GALNT6: variants seen among roughly 807,000 people sequenced by gnomAD.
GALNT6 encodes the protein polypeptide N-acetylgalactosaminyltransferase 6.
GALNT6 carries 51 observed loss-of-function variants against 65.9 expected under a neutral mutation model. The observed-to-expected ratio is 0.77, with a 90% CI of 0.62 to 0.98. The LOEUF is 0.98. Ranked by LOEUF, GALNT6 falls within the 50% of genes least tolerant of loss-of-function variation. GALNT6 has a pLI of 0.00. For synonymous variants in GALNT6, 323 were observed against 315.1 expected, an observed-to-expected ratio of 1.02 and a Z score of -0.26; for missense variants, 708 against 803.3, an observed-to-expected ratio of 0.88 and a Z score of 1.43.
At chr12:51,380,619 T>C (rs546114499) in intron 2 of GALNT6, among the ~76,000 whole-genome samples, 14 of 152,302 alleles carry the variant, frequency 9.2e-5, no homozygotes, top group Admixed American at 7.2e-4. Context: ...GGTGAAACCC[T>C]GTCTCTACTA....
At chr12:51,382,512 A>G (rs999432201) in intron 2 of GALNT6, 9 of 152,938 alleles carry the variant, frequency 5.9e-5, no homozygotes, top group African/African-American at 2.2e-4. Context: ...GCAATGGTCT[A>G]GAGGTGGGAG....
At chr12:51,367,912 G>T (rs1251760338) in intron 4 of GALNT6, among the ~76,000 whole-genome samples, 2 of 152,192 alleles carry the variant, frequency 1.3e-5, no homozygotes, top group African/African-American at 4.8e-5. Flanking sequence ...GACTCAAAGT[G>T]ACTAGCCCAG....
Position 51,379,497 on chromosome 12 carries a change from G to A in GALNT6, c.285C>T (p.Thr95=), listed in dbSNP as rs760338205. The change falls in exon 3 of 12, where the codon ACC becomes ACT. Residue 95 remains threonine (T), a synonymous_variant. Coordinates refer to ENST00000356317, the MANE Select transcript of GALNT6 (RefSeq NM_007210.4). ...INQSCLPGFY[T]PAELKPFWER... Reference sequence around the variant, plus strand: ...CCCAGAAGGGCTTCAGTTCAGCTGGGGTATAGAACCCAGGGAGGCAGGACT... The same window carrying A: ...CCCAGAAGGGCTTCAGTTCAGCTGGAGTATAGAACCCAGGGAGGCAGGACT... 49 of 1,614,036 alleles carry A rather than the reference G, an allele frequency of 3.0e-5. No homozygotes were observed. Among genetic ancestry groups the A allele is most frequent in the Non-Finnish European group, 4.1e-5 (48 of 1,179,998 alleles).
chr12:51,380,594 T>C (rs886489758), intron 2 of GALNT6, among the ~76,000 whole-genome samples: 1 of 152,160 alleles, frequency 6.6e-6, no homozygotes, highest in Non-Finnish European at 1.5e-5. Flanking sequence ...TAAAGAAGAC[T>C]AGCCTGGCCA....
chr12:51,371,659 C>A (rs1947298065), intron 4 of GALNT6, among the ~76,000 whole-genome samples: 2 of 152,118 alleles, frequency 1.3e-5, no homozygotes, highest in Admixed American at 1.3e-4. Flanking sequence ...ACCCTGGCTG[C>A]TGACCTAGCC....
chr12:51,354,527 C>T (rs1180079982), intron 11 of GALNT6, 35 bp from the exon 12 acceptor site: 1 of 1,375,766 alleles, frequency 7.3e-7, no homozygotes, highest in Non-Finnish European at 1.0e-6. Flanking sequence ...CAGTCTGGGC[C>T]ACAGACCTCT....
intron 6 of GALNT6, among the ~76,000 whole-genome samples, chr12:51,361,809 C>T (rs1363480430): frequency 6.6e-6 from 1 of 151,898 alleles, no homozygotes; most frequent in Non-Finnish European, 1.5e-5. Flanking sequence ...CCTGGCATGG[C>T]TAGGGCTTTG....
intron 2 of GALNT6, among the ~76,000 whole-genome samples, chr12:51,390,198 T>C (rs1406561215): frequency 1.3e-5 from 2 of 149,086 alleles, no homozygotes; most frequent in East Asian, 2.0e-4. Context: ...GTTTTGCTCT[T>C]ATTGCCCAGG....
chr12:51,386,972 T>G lies in GALNT6; in HGVS notation c.-104+3878A>C, dbSNP rs562458248. ...CCCCGTAATTACACCTTCAAGACACTTCAGCTTTTCTCCAAGACTCAAGCT... is the reference window on the plus strand; with the variant it reads ...CCCCGTAATTACACCTTCAAGACACGTCAGCTTTTCTCCAAGACTCAAGCT... On this transcript the variant is annotated intron_variant, in intron 2 of 11. Transcript: ENST00000356317. Among the ~76,000 whole-genome samples the G allele has an allele frequency of 1.1e-3, 174 of 152,314 alleles. 2 individuals carry two copies. The highest frequency in any genetic ancestry group is 3.4e-3 in the Middle Eastern group (1 of 294).
chr12:51,390,156 C>CTTTT (rs796243349), intron 2 of GALNT6, among the ~76,000 whole-genome samples: 24 of 116,290 alleles, frequency 2.1e-4, no homozygotes, highest in South Asian at 1.1e-3. Context: ...TTCTTTCTTT[C>CTTTT]TTTTTTTTTT....
At position 51,359,206 on chromosome 12, in the gene GALNT6, C is replaced by T. The variant is rs764540376; in HGVS notation, c.1294G>A (p.Ala432Thr). 1.5e-5 allele frequency: 24 copies of T among 1,614,060 alleles called. 1 individual carries two copies. In the Admixed American group the frequency reaches 2.0e-4, roughly 13 times the overall value. The change falls in exon 8 of 12, where the codon GCA becomes ACA. Residue 432 changes from alanine (A) to threonine (T), a missense_variant. By Grantham distance (58) the Ala-to-Thr change is moderately conservative. Coordinates refer to ENST00000356317, the MANE Select transcript of GALNT6 (RefSeq NM_007210.4). ...TTGTAGCTGTCCATCCAGACCTCTG[C>T]CAGGCGCACTTGATTGCGAGCAATG... is the stretch of plus-strand genomic sequence containing the variant. ...SVIARNQVRL[A>T]EVWMDSYKKI...
intron 10 of GALNT6, among the ~76,000 whole-genome samples, chr12:51,356,190 A>G (rs780643011): frequency 2.3e-4 from 34 of 150,808 alleles, no homozygotes; most frequent in Non-Finnish European, 4.4e-4. Flanking sequence ...ATGTGTGTAT[A>G]TATATATGTA....
chr12:51,375,135 C>T (rs2137697289), intron 4 of GALNT6, among the ~76,000 whole-genome samples: 1 of 152,256 alleles, frequency 6.6e-6, no homozygotes, highest in South Asian at 2.1e-4. Context: ...CTCGGCCTCC[C>T]TAAGTGCTGG....
intron 2 of GALNT6, among the ~76,000 whole-genome samples, chr12:51,382,942 G>A (rs760405936): frequency 1.3e-5 from 2 of 152,200 alleles, no homozygotes; most frequent in Non-Finnish European, 2.9e-5. Flanking sequence ...ATTGGAGAAC[G>A]AGAACTGATA....
Position 51,357,414 on chromosome 12 carries a change from C to A in GALNT6, c.1537G>T (p.Gly513Cys). The change falls in exon 10 of 12, where the codon GGT becomes TGT. Residue 513 changes from glycine (G) to cysteine (C), a missense_variant. Physicochemically the swap from Gly to Cys is radical, Grantham distance 159 (BLOSUM62 -3). Coordinates refer to ENST00000356317, the MANE Select transcript of GALNT6 (RefSeq NM_007210.4). ...NLGTNQCLDV[G>C]ENNRGGKPLI... Reference sequence around the variant, plus strand: ...GGCTTCCCCCCGCGGTTGTTCTCACCCACATCCAGGCATTGGTTGGTGCCG... The same window carrying A: ...GGCTTCCCCCCGCGGTTGTTCTCACACACATCCAGGCATTGGTTGGTGCCG... 6.2e-7 allele frequency: 1 copy of A among 1,614,090 alleles called. No individual in the cohort carries two copies. Among genetic ancestry groups the A allele is most frequent in the Non-Finnish European group, 8.5e-7 (1 of 1,179,940 alleles).
At chr12:51,368,844 C>G (rs1180173452) in intron 4 of GALNT6, among the ~76,000 whole-genome samples, 1 of 152,216 alleles carries the variant, frequency 6.6e-6, no homozygotes, top group Non-Finnish European at 1.5e-5. Flanking sequence ...GGCCTCTTAT[C>G]TCTGGGGGCC....
Position 51,387,639 on chromosome 12 carries a change from G to A in GALNT6, c.-104+3211C>T, listed in dbSNP as rs1565738744. ...GGAGACCCTGTAGGCCCTTCCAGGT[G>A]GGGCAGGGGTGTGCAACGGTTTATC... On this transcript the variant is annotated intron_variant, in intron 2 of 11. Coordinates refer to ENST00000356317, the MANE Select transcript of GALNT6 (RefSeq NM_007210.4). The surrounding 1 kb of genome is among the most constrained non-coding windows in gnomAD (Gnocchi z 4.2). Among the ~76,000 whole-genome samples the A allele has an allele frequency of 1.3e-5, 2 of 152,206 alleles. No homozygotes were observed. Among genetic ancestry groups the A allele is most frequent in the African/African-American group, 2.4e-5 (1 of 41,440 alleles).
chr12:51,364,107 G>A lies in GALNT6; in HGVS notation c.1049+14C>T, dbSNP rs757273714. The A allele has an allele frequency of 3.2e-6, 5 of 1,585,126 alleles. No homozygotes were observed. In the Admixed American group the frequency reaches 8.3e-5, roughly 26 times the overall value. ...TGGGGCCAGGTTGGGGGCTCACCAGGCTGCGGTCCTTACTTGATGGGGTAG... is the reference window on the plus strand; with the variant it reads ...TGGGGCCAGGTTGGGGGCTCACCAGACTGCGGTCCTTACTTGATGGGGTAG... On this transcript the variant is annotated intron_variant, in intron 6 of 11. Coordinates refer to ENST00000356317, the MANE Select transcript of GALNT6 (RefSeq NM_007210.4).
chr12:51,363,286 G>C (rs1386928281), intron 6 of GALNT6, among the ~76,000 whole-genome samples: 1 of 152,168 alleles, frequency 6.6e-6, no homozygotes, highest in Non-Finnish European at 1.5e-5. Flanking sequence ...CCAACAGGCT[G>C]CCTGGAGAGG....
Sources: gnomAD v4.1 joint callset for allele counts (sites outside exome capture counted in the v4.1 genomes callset) on GRCh38, gnomAD v4.1.1 for gene constraint, Gnocchi (gnomAD v3.1) non-coding constraint, MANE v1.5 for transcripts, NCBI Gene and HGNC (gene_info 2026-07-23, HGNC 2026-07-21) for gene names.